The following ST13 variants were observed in gnomAD, a reference collection of about 807,000 sequenced individuals.
ST13 encodes hsc70-interacting protein.
ST13 carries 23 observed loss-of-function variants against 56.7 expected under a neutral mutation model. That is an observed-to-expected ratio of 0.41 (90% confidence interval 0.29 to 0.57). The LOEUF (loss-of-function observed/expected upper bound fraction) is 0.57. Among genes scored for constraint, ST13 ranks in the 20% least tolerant of loss-of-function variants. ST13 has a pLI of 0.36. For missense variants in ST13, 369 were observed against 459.9 expected (o/e 0.80, Z 1.81); for synonymous variants, 132 against 142.4 (o/e 0.93, Z 0.52).
chr22:40,829,068 A>G (rs2057741991), intron 10 of ST13, among the ~76,000 whole-genome samples: 1 of 152,178 alleles, frequency 6.6e-6, no homozygotes, highest in African/African-American at 2.4e-5. Context: ...GTCATCCTCA[A>G]TATTTGTTCT....
At chr22:40,828,120 A>G (rs569506922) in intron 10 of ST13, among the ~76,000 whole-genome samples, 11 of 152,320 alleles carry the variant, frequency 7.2e-5, no homozygotes, top group African/African-American at 2.6e-4. Flanking sequence ...AATTCTCTGA[A>G]AGTGAAACTG....
In ST13 at chr22:40,830,526, T is replaced by G. The variant is rs1287138542; in HGVS notation, c.798+314A>C. Among the ~76,000 whole-genome samples, 5 of 152,320 alleles carry G rather than the reference T, an allele frequency of 3.3e-5. 1 individual carries two copies. The highest frequency in any genetic ancestry group is 4.1e-4 in the South Asian group (2 of 4,828). ...GGAGGAATCATAAATTTAATTAATC[T>G]GGCGAAGCATCCTCAAAAGATCAAA... On this transcript the variant is annotated intron_variant, in intron 9 of 11. Coordinates refer to ENST00000216218, the MANE Select transcript of ST13 (RefSeq NM_003932.5).
At chr22:40,855,943 A>T (rs553856645) in intron 1 of ST13, among the ~76,000 whole-genome samples, 1 of 150,532 alleles carries the variant, frequency 6.6e-6, no homozygotes, top group Non-Finnish European at 1.5e-5. Context: ...TGTAAGGTAA[A>T]AACAATCATT....
chr22:40,848,594 T>C (rs933385641), intron 2 of ST13, among the ~76,000 whole-genome samples: 1 of 151,930 alleles, frequency 6.6e-6, no homozygotes, highest in African/African-American at 2.4e-5. Context: ...AAAATACAAA[T>C]TAGCCGGACG....
chr22:40,838,927 AT>A (rs939529962), intron 5 of ST13, among the ~76,000 whole-genome samples: 2 of 146,340 alleles, frequency 1.4e-5, no homozygotes, highest in African/African-American at 5.1e-5. Flanking sequence ...AAAAAAAAAA[AT>A]TCTAGAACAG....
intron 3 of ST13, among the ~76,000 whole-genome samples, chr22:40,847,997 A>G (rs1430890107): frequency 1.3e-5 from 2 of 152,128 alleles, no homozygotes; most frequent in Non-Finnish European, 2.9e-5. Flanking sequence ...CAGTGAGCCG[A>G]GATTGTGCCA....
At chr22:40,854,428 G>A (rs1419052018) in intron 1 of ST13, 3 of 152,220 alleles carry the variant, frequency 2.0e-5, no homozygotes, top group Non-Finnish European at 4.4e-5. Context: ...GCTAAAGAAT[G>A]TAAGTGGAAT....
intron 5 of ST13, among the ~76,000 whole-genome samples, chr22:40,836,909 A>G (rs906933402): frequency 1.3e-5 from 2 of 152,172 alleles, no homozygotes; most frequent in African/African-American, 4.8e-5. Flanking sequence ...CATAGCTCAC[A>G]GGCTGAAGTG....
chr22:40,855,856 G>C lies in ST13; in HGVS notation c.110+575C>G, dbSNP rs182852053. Among the ~76,000 whole-genome samples the C allele has an allele frequency of 5.5e-5, 8 of 146,610 alleles. No individual in the cohort carries two copies. In the East Asian group the frequency reaches 1.5e-3, roughly 28 times the overall value. On this transcript the variant is annotated intron_variant, in intron 1 of 11. Coordinates refer to ENST00000216218, the MANE Select transcript of ST13 (RefSeq NM_003932.5). ...GAAATTATTTTTCTCAGACGTGTTT[G>C]GAGTGATAACACTGCCAAGTAACGG...
At chr22:40,845,042 T>A (rs2057824009) in intron 3 of ST13, 133 bp from the exon 4 acceptor site, 1 of 621,290 alleles carries the variant, frequency 1.6e-6, no homozygotes, top group Admixed American at 3.4e-5. Flanking sequence ...TTAAAATATG[T>A]TCCCATTAAA....
At chr22:40,833,085 C>T (rs964885330) in intron 7 of ST13, among the ~76,000 whole-genome samples, 1 of 152,058 alleles carries the variant, frequency 6.6e-6, no homozygotes. Flanking sequence ...AACAAGTAAA[C>T]CAGAAACTAA....
chr22:40,854,843 T>C (rs995264962), intron 1 of ST13, among the ~76,000 whole-genome samples: 4 of 152,204 alleles, frequency 2.6e-5, no homozygotes, highest in Admixed American at 6.5e-5. Context: ...AGCTGTTCAA[T>C]AGAGAAAACG....
At chr22:40,829,240 AGTT>A (rs2057742781) in intron 10 of ST13, among the ~76,000 whole-genome samples, 1 of 152,196 alleles carries the variant, frequency 6.6e-6, no homozygotes, top group Non-Finnish European at 1.5e-5. Flanking sequence ...AACTGGAGAC[AGTT>A]GTTTAAAAAA....
In ST13 at chr22:40,856,638, A is replaced by G; in HGVS notation, c.-98T>C. 2 of 911,948 alleles carry G rather than the reference A, an allele frequency of 2.2e-6. No homozygotes were observed. Among genetic ancestry groups the G allele is most frequent in the East Asian group, 2.5e-5 (1 of 40,306 alleles). 56.5% of individuals were successfully genotyped at this position (911,948 alleles called of 1,614,324 possible). A position where few individuals can be genotyped will look rare whatever the true frequency, so the allele number is the denominator to read the frequency against. ...CGCGCAGAAGGGGGCGGCTGCCGCA[A>G]GACAGAACAGACTAGAACCTCCCCG... On this transcript the variant is annotated 5_prime_UTR_variant, in exon 1 of 12. Transcript: ENST00000216218.
chr22:40,848,383 G>A lies in ST13; in HGVS notation c.169-14C>T, dbSNP rs767341566. On this transcript the variant is annotated splice_polypyrimidine_tract_variant and intron_variant, in intron 2 of 11. Coordinates refer to ENST00000216218, the MANE Select transcript of ST13 (RefSeq NM_003932.5). The stretch of plus-strand genomic sequence containing the variant: ...AGGTTTTTCTTCCTAGCAAAGGGAA[G>A]ACAAACAGTACTATCAGTATTTAAT... The A allele has an allele frequency of 6.5e-7, 1 of 1,543,456 alleles. No homozygotes were observed.
intron 1 of ST13, among the ~76,000 whole-genome samples, chr22:40,852,085 AT>A: frequency 6.6e-6 from 1 of 152,124 alleles, no homozygotes; most frequent in South Asian, 2.1e-4. Context: ...ACTTACATTC[AT>A]TTCAGTTGGG....
chr22:40,844,997 C>T, intron 3 of ST13, 88 bp from the exon 4 acceptor site: 3 of 813,050 alleles, frequency 3.7e-6, no homozygotes, highest in Non-Finnish European at 5.8e-6. Context: ...CATACTATGA[C>T]TACTACAATT....
Position 40,844,720 on chromosome 22 carries a change from G to A in ST13, c.315+119C>T, listed in dbSNP as rs878935967. 7.8e-6 allele frequency: 6 copies of A among 769,004 alleles called. No homozygotes were observed. The Admixed American group carries it at 1.4e-4, about 18-fold the overall frequency. The allele number at this position is 769,004 out of a possible 1,614,324, so 47.6% of individuals were successfully genotyped here. A position where few individuals can be genotyped will look rare whatever the true frequency, so the allele number is the denominator to read the frequency against. On this transcript the variant is annotated intron_variant, in intron 4 of 11. Coordinates refer to ENST00000216218, the MANE Select transcript of ST13 (RefSeq NM_003932.5). ...AATACAATGCTTGCCTAAAACGCCT[G>A]AAGTCAGAGAAAGATTTACTATGCG...
intron 7 of ST13, chr22:40,835,345 C>T: frequency 2.1e-5 from 8 of 382,992 alleles, no homozygotes; most frequent in East Asian, 8.4e-5. Flanking sequence ...TTATTTCTTC[C>T]TTCCTATATT....
Sources: allele counts gnomAD v4.1 joint callset (sites outside exome capture counted in the v4.1 genomes callset), GRCh38; gene constraint gnomAD v4.1.1; transcripts MANE v1.5; gene names NCBI Gene and HGNC (gene_info 2026-07-23, HGNC 2026-07-21).